Variants in DNER observed in about 807,000 individuals in gnomAD.
DNER encodes the protein delta/notch like EGF repeat containing, also known as delta and Notch-like epidermal growth factor-related receptor.
In DNER, 33 loss-of-function variants were observed where a neutral mutation model predicts 78.2. The ratio of observed to expected loss-of-function variants is 0.42; its 90% CI spans 0.32 to 0.56. DNER has a LOEUF of 0.56. Among genes scored for constraint, DNER ranks in the 20% least tolerant of loss-of-function variants. DNER has a pLI of 0.11. For missense variants in DNER, 918 were observed against 975.3 expected, an observed-to-expected ratio of 0.94 and a Z score of 0.78; for synonymous variants, 417 against 384.8, an observed-to-expected ratio of 1.08 and a Z score of -0.98.
rs1457131370 is a variant in DNER at position 229,424,518 on chromosome 2, AG to A, written c.1487-6289del. On this transcript the variant is annotated intron_variant, in intron 8 of 12. Coordinates refer to ENST00000341772, the MANE Select transcript of DNER (RefSeq NM_139072.4). ...TAGAAGTCCATGTCAAGGTGTCAACAGGTATGGTTTCCCCTGAGGCCTCTCC... is the reference window on the plus strand; with the variant it reads ...TAGAAGTCCATGTCAAGGTGTCAACAGTATGGTTTCCCCTGAGGCCTCTCC... 2.6e-5 allele frequency among the ~76,000 whole-genome samples: 4 copies of A among 152,184 alleles called. No individual in the cohort carries two copies. The East Asian group carries it at 7.7e-4, about 29-fold the overall frequency.
At chr2:229,418,308 A>G in intron 8 of DNER, 78 bp from the exon 9 acceptor site, 1 of 1,585,218 alleles carries the variant, frequency 6.3e-7, no homozygotes, top group Non-Finnish European at 8.6e-7. Flanking sequence ...CAAGGAAGGC[A>G]GTTGGGGGTA....
chr2:229,493,775 C>T (rs1695451031), intron 6 of DNER, among the ~76,000 whole-genome samples: 2 of 152,116 alleles, frequency 1.3e-5, no homozygotes, highest in African/African-American at 4.8e-5. Context: ...CCTTCAATAC[C>T]CATAACCAGC....
intron 1 of DNER, among the ~76,000 whole-genome samples, chr2:229,647,189 C>T (rs1457934251): frequency 1.3e-5 from 2 of 152,052 alleles, no homozygotes; most frequent in African/African-American, 4.8e-5. Context: ...TACATACATA[C>T]ATACATACAG....
At chr2:229,419,421 A>G (rs569080160) in intron 8 of DNER, among the ~76,000 whole-genome samples, 8 of 152,228 alleles carry the variant, frequency 5.3e-5, no homozygotes, top group Non-Finnish European at 1.2e-4. Context: ...AGATAAGCAG[A>G]AAAAATAAGC....
intron 1 of DNER, among the ~76,000 whole-genome samples, chr2:229,629,691 A>T (rs1473251294): frequency 6.6e-6 from 1 of 152,218 alleles, no homozygotes; most frequent in Admixed American, 6.5e-5. Flanking sequence ...TGATTCATTT[A>T]CCCTGTATCA....
intron 8 of DNER, among the ~76,000 whole-genome samples, chr2:229,438,046 C>A (rs892002930): frequency 6.6e-6 from 1 of 152,148 alleles, no homozygotes; most frequent in Admixed American, 6.6e-5. Flanking sequence ...ATCCGGCAGG[C>A]ATCAAATCAA....
intron 1 of DNER, among the ~76,000 whole-genome samples, chr2:229,613,474 G>A (rs189843332): frequency 1.3e-3 from 198 of 152,170 alleles, no homozygotes; most frequent in Non-Finnish European, 1.0e-3. Context: ...GTTGAAAATA[G>A]GATTTCCAAA....
chr2:229,476,348 C>G (rs181854924), intron 7 of DNER, among the ~76,000 whole-genome samples: 2 of 152,112 alleles, frequency 1.3e-5, no homozygotes, highest in South Asian at 4.1e-4. Context: ...CCTGGACCAC[C>G]GCCCTCCCCC....
intron 1 of DNER, among the ~76,000 whole-genome samples, chr2:229,632,506 C>T (rs893938664): frequency 4.6e-5 from 7 of 152,226 alleles, no homozygotes; most frequent in Non-Finnish European, 8.8e-5. Flanking sequence ...ATCTATGCTT[C>T]CAAAATCAAG....
intron 6 of DNER, among the ~76,000 whole-genome samples, chr2:229,494,545 C>G (rs1156624043): frequency 6.6e-6 from 1 of 152,194 alleles, no homozygotes; most frequent in African/African-American, 2.4e-5. Flanking sequence ...CCCTCCAGGC[C>G]CCTGGTGTGG....
chr2:229,403,204 T>G (rs908523485), intron 10 of DNER, among the ~76,000 whole-genome samples: 3 of 152,128 alleles, frequency 2.0e-5, no homozygotes, highest in Admixed American at 2.0e-4. Flanking sequence ...TCAGGTACAA[T>G]GAAAGAGTAT....
At chr2:229,640,906 T>G (rs916105347) in intron 1 of DNER, among the ~76,000 whole-genome samples, 1 of 152,146 alleles carries the variant, frequency 6.6e-6, no homozygotes, top group African/African-American at 2.4e-5. Context: ...TGCAGCAGAA[T>G]GTCCAAAGGG....
intron 7 of DNER, among the ~76,000 whole-genome samples, chr2:229,449,187 A>G (rs924226366): frequency 6.6e-6 from 1 of 152,254 alleles, no homozygotes; most frequent in Non-Finnish European, 1.5e-5. Flanking sequence ...GTTTCTTGGC[A>G]GCCTCAAGTG....
At chr2:229,695,468 C>T (rs781385525) in intron 1 of DNER, among the ~76,000 whole-genome samples, 8 of 152,174 alleles carry the variant, frequency 5.3e-5, no homozygotes, top group Non-Finnish European at 1.2e-4. Flanking sequence ...TCAGTGTTTG[C>T]AATGTCTGGG....
At chr2:229,427,223 G>A (rs1395045292) in intron 8 of DNER, among the ~76,000 whole-genome samples, 1 of 152,198 alleles carries the variant, frequency 6.6e-6, no homozygotes, top group African/African-American at 2.4e-5. Context: ...ATGATGAAAA[G>A]CCAGCTCTAA....
Position 229,366,928 on chromosome 2 carries a change from A to T in DNER, c.2047T>A (p.Cys683Ser). ...SRPAYEEFYN[C>S]RSIDSEFSNA... Reference sequence around the variant, plus strand: ...CTGAACTCGCTGTCGATGCTGCGGCAGTTGTAGAACTCCTCATAGGCTGGC... The same window carrying T: ...CTGAACTCGCTGTCGATGCTGCGGCTGTTGTAGAACTCCTCATAGGCTGGC... Residue 683 changes from cysteine (C) to serine (S), a missense_variant, in exon 12 of 13, where the codon TGC becomes AGC. Cys to Ser is a moderately radical substitution (Grantham distance 112, BLOSUM62 -1). Coordinates refer to ENST00000341772, the MANE Select transcript of DNER (RefSeq NM_139072.4). The T allele has an allele frequency of 6.2e-7, 1 of 1,614,206 alleles. No homozygotes were observed.
intron 1 of DNER, among the ~76,000 whole-genome samples, chr2:229,707,288 G>A (rs903971772): frequency 6.8e-6 from 1 of 147,472 alleles, no homozygotes; most frequent in African/African-American, 2.5e-5. Flanking sequence ...ATCTGCCTCA[G>A]TCTCCTAAAG....
At chr2:229,701,788 G>C (rs530273758) in intron 1 of DNER, 1 of 154,316 alleles carries the variant, frequency 6.5e-6, no homozygotes, top group South Asian at 2.0e-4. Flanking sequence ...CCATGGCACT[G>C]TGCAGATGGC....
chr2:229,602,965 A>G lies in DNER; in HGVS notation c.277-11077T>C, dbSNP rs117696211. 1.7e-3 allele frequency among the ~76,000 whole-genome samples: 265 copies of G among 152,356 alleles called. 5 individuals carry two copies. The East Asian group carries it at 0.046, about 27-fold the overall frequency. On this transcript the variant is annotated intron_variant, in intron 1 of 12. Coordinates refer to ENST00000341772, the MANE Select transcript of DNER (RefSeq NM_139072.4). The stretch of plus-strand genomic sequence containing the variant: ...TGTGGGAGGGCTTGCTCTATTAGAA[A>G]GCAGGAATTTTAAAGCTATGGTAAT...
Sources: allele counts gnomAD v4.1 joint callset (sites outside exome capture counted in the v4.1 genomes callset), GRCh38; gene constraint gnomAD v4.1.1; transcripts MANE v1.5; gene names NCBI Gene and HGNC (gene_info 2026-07-23, HGNC 2026-07-21).